GANC: variants seen among roughly 807,000 people sequenced by gnomAD.
GANC encodes the protein neutral alpha-glucosidase C.
GANC carries 117 observed loss-of-function variants against 124.2 expected under a neutral mutation model. The observed-to-expected ratio is 0.94, with a 90% CI of 0.81 to 1.10. The LOEUF (loss-of-function observed/expected upper bound fraction) is 1.10, where lower values mean the gene tolerates loss of function less well. Ranked by LOEUF, GANC falls within the 50% of genes least tolerant of loss-of-function variation. The pLI, the probability that GANC is intolerant of heterozygous loss-of-function variation, is 0.00. For missense variants in GANC, 1,140 were observed against 1,095.0 expected (o/e 1.04, Z -0.58); for synonymous variants, 377 against 376.8 (o/e 1.00, Z -0.01).
At chr15:42,340,577 C>A in intron 17 of GANC, 113 bp from the exon 18 acceptor site, 1 of 797,436 alleles carries the variant, frequency 1.3e-6, no homozygotes, top group Non-Finnish European at 2.0e-6. Context: ...GCATTCCAGC[C>A]TGGGCAACAA....
At chr15:42,274,690 T>C (rs189046567) in intron 1 of GANC, among the ~76,000 whole-genome samples, 180 bp downstream of exon 1, 31 of 152,328 alleles carry the variant, frequency 2.0e-4, no homozygotes, top group African/African-American at 7.2e-4. Context: ...GATGGTTAAA[T>C]AGGCCGGGTG....
At chr15:42,332,344 T>C (rs1478454726) in intron 15 of GANC, among the ~76,000 whole-genome samples, 1 of 152,200 alleles carries the variant, frequency 6.6e-6, no homozygotes, top group Non-Finnish European at 1.5e-5. Context: ...AAAGTATTTT[T>C]AATGAAAACA....
intron 22 of GANC, among the ~76,000 whole-genome samples, chr15:42,349,732 C>T (rs1413067535): frequency 1.3e-5 from 2 of 152,016 alleles, no homozygotes; most frequent in African/African-American, 4.8e-5. Context: ...ACTGCAACCT[C>T]CACCTCCTGG....
intron 11 of GANC, among the ~76,000 whole-genome samples, chr15:42,325,932 T>A (rs1024186509): frequency 1.3e-5 from 2 of 152,072 alleles, no homozygotes; most frequent in Non-Finnish European, 1.5e-5. Flanking sequence ...AATTTTTAAA[T>A]TTTTTTGTAG....
In GANC at chr15:42,334,459, G is replaced by A. The variant is rs991235593; in HGVS notation, c.1741+3787G>A. 3.9e-5 allele frequency among the ~76,000 whole-genome samples: 6 copies of A among 152,062 alleles called. No individual in the cohort carries two copies. In the East Asian group the frequency reaches 1.2e-3, roughly 29 times the overall value. Reference sequence around the variant, plus strand: ...TTACAGGCGTGAGCCACTGCACCTGGCCAGTAGAAAATCTTTATGGCTTTG... The same window carrying A: ...TTACAGGCGTGAGCCACTGCACCTGACCAGTAGAAAATCTTTATGGCTTTG... On this transcript the variant is annotated intron_variant, in intron 15 of 23. Coordinates refer to ENST00000318010, the MANE Select transcript of GANC (RefSeq NM_198141.3).
At chr15:42,318,753 T>C (rs1335698474) in intron 10 of GANC, among the ~76,000 whole-genome samples, 2 of 152,148 alleles carry the variant, frequency 1.3e-5, no homozygotes, top group African/African-American at 4.8e-5. Flanking sequence ...CATGCCCAAC[T>C]AATTTTTTCA....
At chr15:42,306,994 A>G (rs1007501753) in intron 7 of GANC, among the ~76,000 whole-genome samples, 2 of 152,100 alleles carry the variant, frequency 1.3e-5, no homozygotes, top group African/African-American at 4.8e-5. Context: ...ATGGTTCTCA[A>G]CCTTTTCTAG....
chr15:42,332,245 C>A (rs1034225279), intron 15 of GANC, among the ~76,000 whole-genome samples: 1 of 151,780 alleles, frequency 6.6e-6, no homozygotes, highest in Non-Finnish European at 1.5e-5. Flanking sequence ...AAATGTAATA[C>A]CTTGGTGATT....
rs751351033 is a variant in GANC at position 42,310,727 on chromosome 15, A to C, written c.938A>C (p.Lys313Thr). Reference protein sequence around the residue: ...TLTQMGPVAAKQKVRSRTHVH... With the variant: ...TLTQMGPVAATQKVRSRTHVH... ...ACCCAGATGGGCCCAGTTGCTGCTA[A>C]ACAAAAGGTCAGATCTCGCACTCAT... Residue 313 changes from lysine (K) to threonine (T), a missense_variant, in exon 10 of 24, where the codon AAA becomes ACA. Coordinates refer to ENST00000318010, the MANE Select transcript of GANC (RefSeq NM_198141.3). 3 of 1,613,480 alleles carry C rather than the reference A, an allele frequency of 1.9e-6. No individual in the cohort carries two copies. The highest frequency in any genetic ancestry group is 2.5e-6 in the Non-Finnish European group (3 of 1,179,382).
At chr15:42,343,042 A>G (rs1468792923) in intron 18 of GANC, 36 bp from the exon 19 acceptor site, 1 of 1,557,198 alleles carries the variant, frequency 6.4e-7, no homozygotes, top group Non-Finnish European at 8.9e-7. Flanking sequence ...GACCTCTTAT[A>G]ATGATACTCA....
chr15:42,295,280 T>G (rs1226339637), intron 5 of GANC, among the ~76,000 whole-genome samples: 1 of 151,964 alleles, frequency 6.6e-6, no homozygotes, highest in Non-Finnish European at 1.5e-5. Context: ...CGCCTGTAGT[T>G]TTCATAGGTA....
At chr15:42,297,570 T>A (rs1200970230) in intron 5 of GANC, 41 bp from the exon 6 acceptor site, 3 of 1,538,444 alleles carry the variant, frequency 2.0e-6, no homozygotes, top group Non-Finnish European at 2.7e-6. Context: ...ATTCTGTCAG[T>A]CTTGCCATTG....
chr15:42,306,084 TG>T (rs1213911925), intron 6 of GANC, among the ~76,000 whole-genome samples: 1 of 150,688 alleles, frequency 6.6e-6, no homozygotes, highest in Non-Finnish European at 1.5e-5. Context: ...TGGAGTGCAG[TG>T]GTGTGATACT....
intron 8 of GANC, among the ~76,000 whole-genome samples, chr15:42,309,253 C>T (rs2052027858): frequency 6.6e-6 from 1 of 152,092 alleles, no homozygotes; most frequent in Non-Finnish European, 1.5e-5. Flanking sequence ...GATTTCAGCT[C>T]TGTGCTCCCA....
At chr15:42,340,024 C>G (rs1370504765) in intron 17 of GANC, 112 bp downstream of exon 17, 5 of 1,368,386 alleles carry the variant, frequency 3.7e-6, no homozygotes, top group Non-Finnish European at 5.0e-6. Flanking sequence ...TGAAGAAAAG[C>G]TACATGTTTA....
intron 10 of GANC, among the ~76,000 whole-genome samples, chr15:42,315,733 A>G (rs143661009): frequency 4.4e-3 from 676 of 152,312 alleles, no homozygotes; most frequent in Middle Eastern, 0.034. Flanking sequence ...TTAAGTCAGT[A>G]GACTTTGAGG....
chr15:42,326,160 G>GT (rs896573261), intron 11 of GANC, 138 bp from the exon 12 acceptor site: 5 of 646,350 alleles, frequency 7.7e-6, no homozygotes, highest in Non-Finnish European at 5.5e-6. Flanking sequence ...TTTTGTTTTT[G>GT]TTTTTTTGTC....
intron 11 of GANC, 117 bp from the exon 12 acceptor site, chr15:42,326,181 C>T: frequency 1.5e-6 from 1 of 688,440 alleles, no homozygotes; most frequent in Non-Finnish European, 2.5e-6. Flanking sequence ...TGAAATATTT[C>T]AATACTAGTT....
At chr15:42,306,655 A>T (rs1406594680) in intron 7 of GANC, 43 bp downstream of exon 7, 3 of 1,347,238 alleles carry the variant, frequency 2.2e-6, no homozygotes, top group African/African-American at 2.9e-5. Context: ...ATCATTCTAA[A>T]AATGTCTACA....
Sources: gnomAD v4.1 joint callset for allele counts (sites outside exome capture counted in the v4.1 genomes callset) on GRCh38, gnomAD v4.1.1 for gene constraint, MANE v1.5 for transcripts, NCBI Gene and HGNC (gene_info 2026-07-23, HGNC 2026-07-21) for gene names.